Variants in DMTN observed in about 807,000 individuals in gnomAD.
DMTN encodes dematin.
DMTN carries 27 observed loss-of-function variants against 59.4 expected under a neutral mutation model. The ratio of observed to expected loss-of-function variants is 0.45; its 90% CI spans 0.33 to 0.63. The LOEUF is 0.63. Among genes scored for constraint, DMTN ranks in the 20% least tolerant of loss-of-function variants. The pLI, the probability that DMTN is intolerant of heterozygous loss-of-function variation, is 0.02. For missense variants in DMTN, 451 were observed against 528.9 expected (o/e 0.85, Z 1.45); for synonymous variants, 221 against 203.7 (o/e 1.08, Z -0.72).
rs67715172 is a variant in DMTN, at chr8:22,079,303, A to ATATATATATATATATATATATAG, written c.836-877_836-876insTATATATATATATATATATATAG. Reference sequence around the variant, plus strand: ...ATATATATATATATATATATATATTAGCTGGGTTTGATGGCGCATGCCCCT... The same window carrying ATATATATATATATATATATATAG: ...ATATATATATATATATATATATATTATATATATATATATATATATATAGGCTGGGTTTGATGGCGCATGCCCCT... On this transcript the variant is annotated intron_variant, in intron 10 of 15. Coordinates refer to ENST00000358242, the MANE Select transcript of DMTN (RefSeq NM_001387751.1). Among the ~76,000 whole-genome samples, 84 of 52,148 alleles carry ATATATATATATATATATATATAG rather than the reference A, an allele frequency of 1.6e-3. 6 individuals are homozygous for ATATATATATATATATATATATAG. The highest frequency in any genetic ancestry group is 2.5e-3 in the South Asian group (3 of 1,222). 34.2% of individuals were successfully genotyped at this position (52,148 alleles called of 152,430 possible).
Position 22,072,436 on chromosome 8 carries a change from G to C in DMTN, c.715G>C (p.Glu239Gln), listed in dbSNP as rs1816287965. The C allele has an allele frequency of 6.4e-7, 1 of 1,569,014 alleles. No individual in the cohort carries two copies. The highest frequency in any genetic ancestry group is 8.7e-7 in the Non-Finnish European group (1 of 1,155,560). Residue 239 changes from glutamate to glutamine, a missense_variant, in exon 9 of 16, where the codon GAG becomes CAG. Physicochemically the swap from Glu to Gln is conservative, Grantham distance 29 (BLOSUM62 2). Transcript: ENST00000358242. ...EMKALRERQREELSKVTSNLG... is the reference protein window; with the variant it reads ...EMKALRERQRQELSKVTSNLG... ...GAAGGCTCTCAGGGAGCGTCAGAGA[G>C]AGGAACTCAGTAAGGTAGCATCTCA...
chr8:22,064,705 GC>G (rs1400591106), intron 1 of DMTN, among the ~76,000 whole-genome samples: 2 of 152,172 alleles, frequency 1.3e-5, no homozygotes, highest in Non-Finnish European at 2.9e-5. Flanking sequence ...TGATCTGCCC[GC>G]CTTGGCCTCC....
intron 7 of DMTN, 111 bp from the exon 8 acceptor site, chr8:22,070,071 T>A (rs746067511): frequency 4.3e-5 from 66 of 1,551,520 alleles, no homozygotes; most frequent in Non-Finnish European, 5.6e-5. Context: ...GTGCTCAGCG[T>A]GTACACTGCT....
intron 10 of DMTN, among the ~76,000 whole-genome samples, chr8:22,075,458 C>T (rs979101110): frequency 1.3e-5 from 2 of 151,392 alleles, no homozygotes; most frequent in Non-Finnish European, 2.9e-5. Context: ...GAATGATCCT[C>T]CTGCCTCGGC....
rs762519386 is a variant in DMTN at position 22,082,029 on chromosome 8, C to G, written c.*566C>G. On this transcript the variant is annotated 3_prime_UTR_variant, in exon 16 of 16. Coordinates refer to ENST00000358242, the MANE Select transcript of DMTN (RefSeq NM_001387751.1). ...CTGACCTCCGCTCGCAAACCCCGAG[C>G]TTCCAAGCCTTTTGCTCCAGCCCTG... 1.5e-5 allele frequency: 7 copies of G among 456,846 alleles called. No homozygotes were observed. In the Middle Eastern group the frequency reaches 1.6e-3, roughly 105 times the overall value. 28.3% of individuals were successfully genotyped at this position (456,846 alleles called of 1,614,324 possible). A position where few individuals can be genotyped will look rare whatever the true frequency, so the allele number is the denominator to read the frequency against.
At chr8:22,050,002 G>A (rs371004930), upstream of DMTN, among the ~76,000 whole-genome samples, 4 of 152,196 alleles carry the variant, frequency 2.6e-5, no homozygotes, top group Non-Finnish European at 5.9e-5. Context: ...TTTAGAAGGT[G>A]GGGACAGCGG....
intron 4 of DMTN, among the ~76,000 whole-genome samples, chr8:22,068,423 C>T (rs1334479183): frequency 2.0e-5 from 3 of 152,162 alleles, no homozygotes; most frequent in Non-Finnish European, 4.4e-5. Context: ...CAAAAATTAG[C>T]AAGATGTGGT....
intron 1 of DMTN, among the ~76,000 whole-genome samples, chr8:22,057,639 G>A (rs1201083338): frequency 1.3e-5 from 2 of 152,178 alleles, no homozygotes; most frequent in African/African-American, 2.4e-5. Context: ...CCAGGCTGGG[G>A]TGGGGCTGAG....
chr8:22,070,655 G>C (rs1814630588), intron 8 of DMTN, among the ~76,000 whole-genome samples: 1 of 152,312 alleles, frequency 6.6e-6, no homozygotes, highest in East Asian at 1.9e-4. Flanking sequence ...AATGATAGAT[G>C]GTTTGGTCCC....
chr8:22,054,003 G>A (rs1801662208), upstream of DMTN, among the ~76,000 whole-genome samples: 1 of 152,170 alleles, frequency 6.6e-6, no homozygotes, highest in African/African-American at 2.4e-5. Flanking sequence ...CGGAGGCAGA[G>A]TGAGTCTTCC....
At position 22,082,131 on chromosome 8, in the gene DMTN, C is replaced by CACGAAATGGGAA. The variant is rs1433024767; in HGVS notation, c.*669_*680dup. On this transcript the variant is annotated 3_prime_UTR_variant, in exon 16 of 16. Coordinates refer to ENST00000358242, the MANE Select transcript of DMTN (RefSeq NM_001387751.1). ...CCTGGCCCTCCACCTGCCTCCAGGC[C>CACGAAATGGGAA]ACGAAATGGGAATTCCAGCACTAAG... The CACGAAATGGGAA allele has an allele frequency of 2.2e-6, 1 of 456,372 alleles. No individual in the cohort carries two copies. The highest frequency in any genetic ancestry group is 2.3e-5 in the Admixed American group (1 of 42,570). 28.3% of individuals were successfully genotyped at this position (456,372 alleles called of 1,614,324 possible). A position where few individuals can be genotyped will look rare whatever the true frequency, so the allele number is the denominator to read the frequency against.
chr8:22,059,132 G>C (rs1804457593), intron 1 of DMTN: 1 of 151,892 alleles, frequency 6.6e-6, no homozygotes, highest in South Asian at 2.1e-4. Context: ...TGCGGGGGTG[G>C]GGCTGGGTAG....
At chr8:22,075,772 G>T (rs920202394) in intron 10 of DMTN, among the ~76,000 whole-genome samples, 8 of 152,130 alleles carry the variant, frequency 5.3e-5, no homozygotes, top group African/African-American at 1.9e-4. Flanking sequence ...ACCTGCCTTG[G>T]CCTCCCAAAG....
chr8:22,081,521 C>T lies in DMTN; in HGVS notation c.*58C>T, dbSNP rs1002911951. 384 of 1,531,432 alleles carry T rather than the reference C, an allele frequency of 2.5e-4. No homozygotes were observed. The highest frequency in any genetic ancestry group is 3.1e-4 in the Non-Finnish European group (339 of 1,106,280). The allele number at this position is 1,531,432 out of a possible 1,614,324, so 94.9% of individuals were successfully genotyped here. On this transcript the variant is annotated 3_prime_UTR_variant, in exon 16 of 16. Coordinates refer to ENST00000358242, the MANE Select transcript of DMTN (RefSeq NM_001387751.1). ...CCCCTGCTGCTTCAGGGTTTTTCCCCGGCGGGTTGGGAGGGGCAGGAGGTG... is the reference window on the plus strand; with the variant it reads ...CCCCTGCTGCTTCAGGGTTTTTCCCTGGCGGGTTGGGAGGGGCAGGAGGTG...
At chr8:22,072,041 G>A in intron 8 of DMTN, among the ~76,000 whole-genome samples, 1 of 152,030 alleles carries the variant, frequency 6.6e-6, no homozygotes, top group Non-Finnish European at 1.5e-5. Context: ...CTACAGGCAT[G>A]CCCTACCACC....
chr8:22,079,017 C>A (rs896332074), intron 10 of DMTN, among the ~76,000 whole-genome samples: 7 of 151,324 alleles, frequency 4.6e-5, no homozygotes, highest in Admixed American at 3.3e-4. Context: ...CCAGGATGGT[C>A]TTGATTTCTT....
chr8:22,072,521 G>A, intron 9 of DMTN, 71 bp downstream of exon 9: 2 of 1,458,478 alleles, frequency 1.4e-6, no homozygotes, highest in Non-Finnish European at 1.8e-6. Flanking sequence ...CTGGCATGCA[G>A]TGGCATGATC....
intron 5 of DMTN, 56 bp downstream of exon 5, chr8:22,069,116 C>A (rs1813114659): frequency 6.4e-7 from 1 of 1,570,346 alleles, no homozygotes; most frequent in Admixed American, 1.8e-5. Context: ...GGGATCCTAA[C>A]TCCCTCCCCT....
chr8:22,055,917 G>T (rs1802354517), upstream of DMTN, among the ~76,000 whole-genome samples: 1 of 152,204 alleles, frequency 6.6e-6, no homozygotes, highest in Non-Finnish European at 1.5e-5. Flanking sequence ...GACCGGCTGG[G>T]GGCAGGGTTG....
Sources: gnomAD v4.1 joint callset for allele counts (sites outside exome capture counted in the v4.1 genomes callset) on GRCh38, gnomAD v4.1.1 for gene constraint, MANE v1.5 for transcripts, NCBI Gene and HGNC (gene_info 2026-07-23, HGNC 2026-07-21) for gene names.